The following TAFA2 variants were observed in gnomAD, a reference collection of about 807,000 sequenced individuals.
The protein encoded by TAFA2 is chemokine-like protein TAFA-2.
Under a neutral mutation model 18.8 loss-of-function variants are expected in TAFA2, and 7 were observed. That is an observed-to-expected ratio of 0.37 (90% CI 0.21 to 0.70). The LOEUF (loss-of-function observed/expected upper bound fraction) is 0.70. Ranked by LOEUF, TAFA2 falls within the 30% of genes least tolerant of loss-of-function variation. TAFA2 has a pLI of 0.53. For missense variants in TAFA2, 122 were observed against 158.1 expected, an observed-to-expected ratio of 0.77 and a Z score of 1.23; for synonymous variants, 60 against 54.2, an observed-to-expected ratio of 1.11 and a Z score of -0.47.
intron 1 of TAFA2, among the ~76,000 whole-genome samples, chr12:62,170,688 G>A (rs1352048066): frequency 3.3e-5 from 5 of 152,188 alleles, no homozygotes; most frequent in Non-Finnish European, 7.4e-5. Flanking sequence ...GCAGAGTGGC[G>A]AAGTCTGTGT....
chr12:62,102,042 T>C (rs972012043), intron 1 of TAFA2, among the ~76,000 whole-genome samples: 13 of 152,192 alleles, frequency 8.5e-5, no homozygotes, highest in Non-Finnish European at 4.4e-5. Context: ...AGTAGGAGTT[T>C]GCCTAGTTAA....
intron 1 of TAFA2, among the ~76,000 whole-genome samples, chr12:62,098,473 G>T (rs564079260): frequency 2.0e-5 from 3 of 151,994 alleles, no homozygotes; most frequent in Non-Finnish European, 4.4e-5. Context: ...TTCCAAAATA[G>T]GACAAAAGTA....
intron 4 of TAFA2, among the ~76,000 whole-genome samples, chr12:61,738,519 GC>G (rs1868347402): frequency 6.6e-6 from 1 of 151,954 alleles, no homozygotes. Context: ...CACCTGGTAG[GC>G]CTGATAAGTC....
intron 1 of TAFA2, among the ~76,000 whole-genome samples, chr12:61,990,402 CTA>C (rs1287803534): frequency 1.5e-5 from 2 of 132,444 alleles, no homozygotes; most frequent in Non-Finnish European, 3.1e-5. Flanking sequence ...TGCAGTGGCG[CTA>C]TCTCGGCTCA....
At chr12:62,140,752 G>C (rs1010126453) in intron 1 of TAFA2, among the ~76,000 whole-genome samples, 2 of 152,288 alleles carry the variant, frequency 1.3e-5, no homozygotes, top group Middle Eastern at 3.4e-3. Flanking sequence ...ACTAGAACCA[G>C]CTTCCCCAGG....
chr12:62,054,631 ATACT>A, intron 1 of TAFA2, among the ~76,000 whole-genome samples: 1 of 152,378 alleles, frequency 6.6e-6, no homozygotes, highest in Non-Finnish European at 1.5e-5. Flanking sequence ...GGATCAGTTC[ATACT>A]TAATGCTTTG....
At chr12:61,982,141 G>C (rs1049991332) in intron 1 of TAFA2, among the ~76,000 whole-genome samples, 2 of 152,140 alleles carry the variant, frequency 1.3e-5, no homozygotes, top group African/African-American at 2.4e-5. Flanking sequence ...TCCTTTGCAG[G>C]GTTGTGGATG....
At chr12:62,186,336 T>C (rs1473227599) in intron 1 of TAFA2, among the ~76,000 whole-genome samples, 1 of 152,144 alleles carries the variant, frequency 6.6e-6, no homozygotes, top group East Asian at 1.9e-4. Context: ...TATTTATTTA[T>C]ATTTAGTAAA....
intron 1 of TAFA2, among the ~76,000 whole-genome samples, chr12:62,083,736 G>A (rs1250024241): frequency 6.6e-6 from 1 of 151,896 alleles, no homozygotes; most frequent in Non-Finnish European, 1.5e-5. Context: ...TTTTTTTGTA[G>A]CAATGGCTAG....
At chr12:61,920,618 G>A (rs145565105) in intron 1 of TAFA2, among the ~76,000 whole-genome samples, 1 of 152,266 alleles carries the variant, frequency 6.6e-6, no homozygotes, top group Non-Finnish European at 1.5e-5. Flanking sequence ...AGTTCTCTGA[G>A]TAAGTCTTCA....
chr12:62,123,366 G>C (rs2136882605), intron 1 of TAFA2, among the ~76,000 whole-genome samples: 1 of 152,060 alleles, frequency 6.6e-6, no homozygotes, highest in African/African-American at 2.4e-5. Flanking sequence ...CACACAATGT[G>C]TGGGCCTGTA....
intron 4 of TAFA2, among the ~76,000 whole-genome samples, chr12:61,748,584 C>T (rs1868848627): frequency 6.6e-6 from 1 of 152,096 alleles, no homozygotes; most frequent in Non-Finnish European, 1.5e-5. Context: ...ATTAGCACCC[C>T]TGGACACTGT....
intron 1 of TAFA2, among the ~76,000 whole-genome samples, chr12:62,216,651 T>C (rs1409133639): frequency 1.3e-5 from 2 of 152,196 alleles, no homozygotes; most frequent in Non-Finnish European, 2.9e-5. Context: ...CAGTATACTA[T>C]TGTTGATCTG....
intron 1 of TAFA2, among the ~76,000 whole-genome samples, chr12:61,987,230 G>A (rs1004376110): frequency 3.7e-4 from 56 of 152,130 alleles, no homozygotes; most frequent in African/African-American, 1.3e-3. Context: ...AAATCATAAT[G>A]TGCTTCCTTG....
intron 1 of TAFA2, among the ~76,000 whole-genome samples, chr12:61,887,914 T>C (rs1341400040): frequency 1.3e-5 from 2 of 152,120 alleles, no homozygotes; most frequent in African/African-American, 4.8e-5. Flanking sequence ...TGTATCTTTA[T>C]AGAAGGACAT....
intron 1 of TAFA2, among the ~76,000 whole-genome samples, chr12:62,218,147 C>T (rs137854944): frequency 1.6e-4 from 24 of 152,054 alleles, no homozygotes; most frequent in African/African-American, 4.1e-4. Context: ...AGGCACGCAC[C>T]GTCACACCGG....
intron 1 of TAFA2, among the ~76,000 whole-genome samples, chr12:62,232,561 T>C (rs1398951198): frequency 6.6e-6 from 1 of 152,184 alleles, no homozygotes; most frequent in Non-Finnish European, 1.5e-5. Flanking sequence ...TCACCCAGGC[T>C]GGAGTGCAAT....
At chr12:61,722,151 G>C (rs1460192421) in intron 4 of TAFA2, among the ~76,000 whole-genome samples, 1 of 152,104 alleles carries the variant, frequency 6.6e-6, no homozygotes, top group Non-Finnish European at 1.5e-5. Flanking sequence ...AGGGGTTTTG[G>C]TTGTATAAGT....
At chr12:62,134,268 A>G (rs1184011349) in intron 1 of TAFA2, among the ~76,000 whole-genome samples, 2 of 151,926 alleles carry the variant, frequency 1.3e-5, no homozygotes, top group Admixed American at 1.3e-4. Flanking sequence ...ATGGTATTAG[A>G]GGTGGGGCTT....
Sources: allele counts gnomAD v4.1 joint callset (sites outside exome capture counted in the v4.1 genomes callset), GRCh38; gene constraint gnomAD v4.1.1; transcripts MANE v1.5; gene names NCBI Gene and HGNC (gene_info 2026-07-23, HGNC 2026-07-21).